ERP44: variants seen among roughly 807,000 people sequenced by gnomAD.
ERP44 encodes endoplasmic reticulum protein 44, also known as endoplasmic reticulum resident protein 44.
In ERP44, 25 loss-of-function variants were observed where a neutral mutation model predicts 53.4. That is an observed-to-expected ratio of 0.47 (90% CI 0.34 to 0.65). The LOEUF is 0.65. Among genes scored for constraint, ERP44 ranks in the 30% least tolerant of loss-of-function variants. ERP44 has a pLI of 0.01. For synonymous variants in ERP44, 145 were observed against 161.2 expected (o/e 0.90, Z 0.76); for missense variants, 338 against 493.2 (o/e 0.69, Z 2.98).
intron 4 of ERP44, among the ~76,000 whole-genome samples, chr9:100,048,159 TGAG>T (rs982868951): frequency 4.9e-4 from 74 of 152,106 alleles, no homozygotes; most frequent in African/African-American, 1.8e-3. Context: ...GAGGATCCCT[TGAG>T]CCCAGGAGTT....
intron 7 of ERP44, among the ~76,000 whole-genome samples, chr9:100,017,342 A>G (rs1448696034): frequency 6.6e-6 from 1 of 152,214 alleles, no homozygotes; most frequent in Non-Finnish European, 1.5e-5. Flanking sequence ...ACTTTCCCAG[A>G]GTAACATACT....
chr9:100,021,304 C>A (rs929801698), intron 5 of ERP44, among the ~76,000 whole-genome samples: 3 of 152,200 alleles, frequency 2.0e-5, no homozygotes, highest in African/African-American at 4.8e-5. Context: ...TGACATAACC[C>A]AGTGCATGTG....
At chr9:100,045,576 G>T (rs573303009) in intron 4 of ERP44, among the ~76,000 whole-genome samples, 1 of 152,248 alleles carries the variant, frequency 6.6e-6, no homozygotes, top group South Asian at 2.1e-4. Context: ...AAGTAGTAGG[G>T]TTTTTTCCCA....
At chr9:100,085,260 C>T (rs1252852801) in intron 1 of ERP44, among the ~76,000 whole-genome samples, 1 of 152,178 alleles carries the variant, frequency 6.6e-6, no homozygotes. Flanking sequence ...ATATGTGTAA[C>T]TATTAATGAG....
chr9:99,998,379 G>A (rs567503383), intron 10 of ERP44: 6 of 608,526 alleles, frequency 9.9e-6, no homozygotes, highest in African/African-American at 7.4e-5. Context: ...CGCCACACGC[G>A]AGCTCCCGGA....
chr9:100,040,900 A>G (rs916445785), intron 4 of ERP44, among the ~76,000 whole-genome samples: 18 of 152,144 alleles, frequency 1.2e-4, no homozygotes, highest in Non-Finnish European at 1.5e-5. Flanking sequence ...ATGTAATCCC[A>G]TTTACAATAG....
intron 1 of ERP44, among the ~76,000 whole-genome samples, chr9:100,079,455 C>CACACACAG (rs1491502227): frequency 6.9e-6 from 1 of 144,732 alleles, no homozygotes; most frequent in Non-Finnish European, 1.5e-5. Flanking sequence ...CACACACACA[C>CACACACAG]AGACACCCTA....
At chr9:100,055,908 A>G (rs1294962690) in intron 3 of ERP44, among the ~76,000 whole-genome samples, 1 of 152,254 alleles carries the variant, frequency 6.6e-6, no homozygotes, top group African/African-American at 2.4e-5. Flanking sequence ...CTCAGAGTCT[A>G]GACTTTGAGG....
Position 100,052,108 on chromosome 9 carries a change from T to C in ERP44, c.286+309A>G, listed in dbSNP as rs79491883. Among the ~76,000 whole-genome samples the C allele has an allele frequency of 1.1e-4, 17 of 152,250 alleles. No individual in the cohort carries two copies. The East Asian group carries it at 3.3e-3, about 29-fold the overall frequency. ...TCAATCTTATTTACTGATTTTGGTA[T>C]TTGCTTTGGTAGAAAACACTGCTAG... On this transcript the variant is annotated intron_variant, in intron 4 of 11. Coordinates refer to ENST00000262455, the MANE Select transcript of ERP44 (RefSeq NM_015051.3).
At chr9:100,088,960 T>C (rs1014712889) in intron 1 of ERP44, among the ~76,000 whole-genome samples, 1 of 152,226 alleles carries the variant, frequency 6.6e-6, no homozygotes, top group East Asian at 1.9e-4. Context: ...ATAAGATACA[T>C]GCTTTAAAAA....
At chr9:100,033,690 T>C (rs984269201) in intron 4 of ERP44, among the ~76,000 whole-genome samples, 1 of 152,190 alleles carries the variant, frequency 6.6e-6, no homozygotes, top group Non-Finnish European at 1.5e-5. Flanking sequence ...TCAGTTGTTT[T>C]TGAGGTTTTT....
chr9:100,014,281 G>GT (rs996463165), intron 8 of ERP44, among the ~76,000 whole-genome samples: 3 of 152,038 alleles, frequency 2.0e-5, no homozygotes, highest in Admixed American at 2.0e-4. Flanking sequence ...GTTGTTTTTT[G>GT]TTTTTTGTTT....
intron 4 of ERP44, among the ~76,000 whole-genome samples, chr9:100,040,242 A>C (rs555705437): frequency 6.6e-6 from 1 of 152,206 alleles, no homozygotes; most frequent in African/African-American, 2.4e-5. Flanking sequence ...CAGGCCAATA[A>C]ATATTGATGC....
chr9:100,042,196 TCAAA>T (rs1276934575), intron 4 of ERP44, among the ~76,000 whole-genome samples: 1 of 151,940 alleles, frequency 6.6e-6, no homozygotes, highest in East Asian at 1.9e-4. Context: ...TATAGGGAAC[TCAAA>T]CAACTCTATA....
chr9:100,033,808 T>A (rs888950594), intron 4 of ERP44, among the ~76,000 whole-genome samples: 2 of 152,172 alleles, frequency 1.3e-5, no homozygotes, highest in Admixed American at 6.5e-5. Flanking sequence ...AACTCAGAGT[T>A]ATGAATGGCC....
intron 4 of ERP44, among the ~76,000 whole-genome samples, chr9:100,033,811 G>A (rs1042691269): frequency 6.6e-6 from 1 of 152,126 alleles, no homozygotes; most frequent in Non-Finnish European, 1.5e-5. Flanking sequence ...TCAGAGTTAT[G>A]AATGGCCCTC....
At chr9:100,010,848 C>A (rs1363258708) in intron 8 of ERP44, among the ~76,000 whole-genome samples, 1 of 150,542 alleles carries the variant, frequency 6.6e-6, no homozygotes, top group African/African-American at 2.4e-5. Flanking sequence ...TTACAGTGAG[C>A]CGAGATCGCA....
At chr9:99,984,926 G>GA (rs745772907) in intron 11 of ERP44, 41 bp downstream of exon 11, 13 of 1,321,598 alleles carry the variant, frequency 9.8e-6, no homozygotes, top group Admixed American at 1.8e-5. Flanking sequence ...CTGAAAAAGG[G>GA]AAAAAAAGAG....
intron 1 of ERP44, among the ~76,000 whole-genome samples, chr9:100,068,769 AG>A (rs1587980458): frequency 6.6e-6 from 1 of 152,080 alleles, no homozygotes; most frequent in East Asian, 1.9e-4. Flanking sequence ...CTGCCCGGCC[AG>A]CCGCCCCGTC....
Sources: gnomAD v4.1 joint callset for allele counts (sites outside exome capture counted in the v4.1 genomes callset) on GRCh38, gnomAD v4.1.1 for gene constraint, MANE v1.5 for transcripts, NCBI Gene and HGNC (gene_info 2026-07-23, HGNC 2026-07-21) for gene names.